Variants in COL16A1 observed in about 807,000 individuals in gnomAD.
The protein encoded by COL16A1 is collagen alpha-1(XVI) chain.
COL16A1 carries 189 observed loss-of-function variants against 266.3 expected under a neutral mutation model. That is an observed-to-expected ratio of 0.71 (90% CI 0.63 to 0.80). The LOEUF (loss-of-function observed/expected upper bound fraction) is 0.80, where lower values mean the gene tolerates loss of function less well. COL16A1 is among the 30% of genes least tolerant of loss of function. COL16A1 has a pLI of 0.00. For synonymous variants in COL16A1, 740 were observed against 782.3 expected, an observed-to-expected ratio of 0.95 and a Z score of 0.90; for missense variants, 1,928 against 2,122.4, an observed-to-expected ratio of 0.91 and a Z score of 1.80.
At chr1:31,659,489 C>G (rs1641456127) in intron 62 of COL16A1, among the ~76,000 whole-genome samples, 1 of 152,108 alleles carries the variant, frequency 6.6e-6, no homozygotes, top group Non-Finnish European at 1.5e-5. Context: ...CCAGACAGTC[C>G]CTGCTGCTGC....
chr1:31,679,684 C>T lies in COL16A1; in HGVS notation c.2720G>A (p.Gly907Asp). The T allele has an allele frequency of 6.2e-7, 1 of 1,614,040 alleles. No individual in the cohort carries two copies. Among genetic ancestry groups the T allele is most frequent in the South Asian group, 1.1e-5 (1 of 91,074 alleles). ...TGGTGGTCCGGGAATACCTGGTGGA[C>T]CCTGAGGGAGAGAGAAAAGAGTCAG... is the stretch of plus-strand genomic sequence containing the variant. Reference protein sequence around the residue: ...MGSSWQPGPQGPPGIPGPPGP... With the variant: ...MGSSWQPGPQDPPGIPGPPGP... Residue 907 changes from glycine (G) to aspartate (D), a missense_variant and splice_region_variant, in exon 42 of 71, where the codon GGT becomes GAT. Around this residue, in one of 2 missense-constraint regions of COL16A1, gnomAD observed 1,552 missense variants for 1,637.2 expected, o/e 0.95. Coordinates refer to ENST00000373672, the MANE Select transcript of COL16A1 (RefSeq NM_001856.4).
At chr1:31,682,659 A>G (rs561015302) in intron 37 of COL16A1, among the ~76,000 whole-genome samples, 118 of 152,348 alleles carry the variant, frequency 7.7e-4, no homozygotes, top group Non-Finnish European at 1.3e-3. Context: ...GTTCCCTTAC[A>G]GGGCTGATGT....
intron 37 of COL16A1, 112 bp downstream of exon 37, chr1:31,682,822 C>T: frequency 1.5e-6 from 2 of 1,355,034 alleles, no homozygotes; most frequent in South Asian, 1.3e-5. Flanking sequence ...GGCCTCTCTC[C>T]TCCCATCCCC....
At chr1:31,681,940 T>A (rs1162229010) in intron 37 of COL16A1, among the ~76,000 whole-genome samples, 1 of 152,190 alleles carries the variant, frequency 6.6e-6, no homozygotes, top group African/African-American at 2.4e-5. Flanking sequence ...GTTGGTGCAC[T>A]CTCCTATCAG....
chr1:31,679,971 A>G, intron 40 of COL16A1, 71 bp downstream of exon 40: 2 of 1,596,082 alleles, frequency 1.3e-6, no homozygotes, highest in South Asian at 1.1e-5. Context: ...GCCTTTGCAC[A>G]CTGGGCACCA....
In COL16A1 at chr1:31,688,563, C is replaced by T. The variant is rs1644104253; in HGVS notation, c.1768-61G>A. 3.7e-6 allele frequency: 6 copies of T among 1,606,082 alleles called. No homozygotes were observed. Among genetic ancestry groups the T allele is most frequent in the East Asian group, 2.2e-5 (1 of 44,830 alleles). ...CCACTCCCACCTCTCCAAGGCTCCCCGGGTCCCAGTGTCCAACCAGAAACA... is the reference window on the plus strand; with the variant it reads ...CCACTCCCACCTCTCCAAGGCTCCCTGGGTCCCAGTGTCCAACCAGAAACA... On this transcript the variant is annotated intron_variant, in intron 25 of 70. Coordinates refer to ENST00000373672, the MANE Select transcript of COL16A1 (RefSeq NM_001856.4). This position sits in a 1 kb window ranked among gnomAD's most constrained non-coding sequence, Gnocchi z 4.9.
At chr1:31,672,080 G>A (rs1400763332) in intron 47 of COL16A1, among the ~76,000 whole-genome samples, 1 of 152,202 alleles carries the variant, frequency 6.6e-6, no homozygotes, top group African/African-American at 2.4e-5. Flanking sequence ...AGGCCAAGGG[G>A]ACTGGAGGCT....
intron 42 of COL16A1, among the ~76,000 whole-genome samples, chr1:31,677,268 T>C (rs1295784795): frequency 2.0e-5 from 3 of 152,242 alleles, no homozygotes; most frequent in African/African-American, 7.2e-5. Context: ...TTTGTATTTT[T>C]AGTAGAGACG....
intron 37 of COL16A1, among the ~76,000 whole-genome samples, chr1:31,681,458 T>C (rs1434054122): frequency 1.3e-5 from 2 of 152,218 alleles, no homozygotes; most frequent in African/African-American, 4.8e-5. Flanking sequence ...CTCCCTTTAG[T>C]GCTTGATACA....
intron 42 of COL16A1, among the ~76,000 whole-genome samples, chr1:31,676,554 A>C (rs1643202980): frequency 6.6e-6 from 1 of 152,172 alleles, no homozygotes; most frequent in Non-Finnish European, 1.5e-5. Flanking sequence ...GACTACCTGT[A>C]TAACTTTTGG....
Position 31,668,033 on chromosome 1 carries a change from G to A in COL16A1, c.3303+132C>T, listed in dbSNP as rs555863092. Reference sequence around the variant, plus strand: ...GGGAGAGGGGGCTGCATGGACTTTAGGCAAAGGAGGAGGCTGAAATGCCCG... The same window carrying A: ...GGGAGAGGGGGCTGCATGGACTTTAAGCAAAGGAGGAGGCTGAAATGCCCG... On this transcript the variant is annotated intron_variant, in intron 51 of 70. Transcript: ENST00000373672. This position sits in a 1 kb window ranked among gnomAD's most constrained non-coding sequence, Gnocchi z 5.8. 43 of 751,248 alleles carry A rather than the reference G, an allele frequency of 5.7e-5. No homozygotes were observed. The highest frequency in any genetic ancestry group is 8.8e-5 in the South Asian group (5 of 57,034). The allele number at this position is 751,248 out of a possible 1,614,324, so 46.5% of individuals were successfully genotyped here.
At chr1:31,692,184 G>A in intron 16 of COL16A1, 117 bp from the exon 17 acceptor site, 1 of 1,495,230 alleles carries the variant, frequency 6.7e-7, no homozygotes, top group Non-Finnish European at 9.2e-7. Context: ...CTCCCCTGAG[G>A]GTGAATGGCT....
intron 30 of COL16A1, 72 bp downstream of exon 30, chr1:31,684,749 G>T: frequency 1.9e-6 from 3 of 1,611,982 alleles, no homozygotes; most frequent in Non-Finnish European, 2.5e-6. Flanking sequence ...GCTAGGGAGG[G>T]AGGAAAATGA....
Position 31,689,082 on chromosome 1 carries a change from C to A in COL16A1, c.1624G>T (p.Asp542Tyr), listed in dbSNP as rs1644132412. The A allele has an allele frequency of 6.2e-7, 1 of 1,613,670 alleles. No homozygotes were observed. The highest frequency in any genetic ancestry group is 1.7e-5 in the Admixed American group (1 of 60,000). Residue 542 changes from aspartate to tyrosine, a missense_variant, in exon 24 of 71, where the codon GAC (aspartate) becomes TAC (tyrosine). Physicochemically the swap from Asp to Tyr is radical, Grantham distance 160. Around this residue, in one of 2 missense-constraint regions of COL16A1, gnomAD observed 1,552 missense variants for 1,637.2 expected, o/e 0.95. Transcript: ENST00000373672. ...EPGDPVPARG[D>Y]PGIQGIKGEK... ...CCTTTGATGCCTTGGATGCCAGGGTCTCCCTGCAGGGTAAAAAGGTTTGTG... is the reference window on the plus strand; with the variant it reads ...CCTTTGATGCCTTGGATGCCAGGGTATCCCTGCAGGGTAAAAAGGTTTGTG...
At chr1:31,691,894 C>A in intron 17 of COL16A1, 111 bp downstream of exon 17, 1 of 1,547,612 alleles carries the variant, frequency 6.5e-7, no homozygotes, top group Non-Finnish European at 8.9e-7. Context: ...GGCACAGCCC[C>A]TCCCCACCCT....
At position 31,677,979 on chromosome 1, in the gene COL16A1, C is replaced by A. The variant is rs189548881; in HGVS notation, c.2772+1653G>T. On this transcript the variant is annotated intron_variant, in intron 42 of 70. Coordinates refer to ENST00000373672, the MANE Select transcript of COL16A1 (RefSeq NM_001856.4). The stretch of plus-strand genomic sequence containing the variant: ...CCCCAAGCAAACTGCAAGCCCTCTG[C>A]AGACAGATTCCTGTTTCCTGGCAGT... Among the ~76,000 whole-genome samples, 140 of 152,342 alleles carry A rather than the reference C, an allele frequency of 9.2e-4. 1 individual carries two copies. The highest frequency in any genetic ancestry group is 1.6e-3 in the Admixed American group (25 of 15,306).
In COL16A1 at chr1:31,694,189, G is replaced by A. The variant is rs1644397192; in HGVS notation, c.982-19C>T. The A allele has an allele frequency of 6.3e-7, 1 of 1,575,676 alleles. No homozygotes were observed. Among genetic ancestry groups the A allele is most frequent in the Admixed American group, 1.7e-5 (1 of 57,210 alleles). On this transcript the variant is annotated intron_variant, in intron 11 of 70. Coordinates refer to ENST00000373672, the MANE Select transcript of COL16A1 (RefSeq NM_001856.4). The stretch of plus-strand genomic sequence containing the variant: ...GTGTGACCTGAGGGGACAGAGGAGA[G>A]GGCATCACACTTCCGGTAGAGAGAG...
chr1:31,659,147 G>C (rs954389096), intron 62 of COL16A1, among the ~76,000 whole-genome samples, 183 bp from the exon 63 acceptor site: 1 of 152,200 alleles, frequency 6.6e-6, no homozygotes, highest in Non-Finnish European at 1.5e-5. Context: ...CTGAGGCCTG[G>C]GGGTCCTGGG....
In COL16A1 at chr1:31,656,559, GC is replaced by G. The variant is rs1641170515; in HGVS notation, c.4057-116del. 6.8e-7 allele frequency: 1 copy of G among 1,480,670 alleles called. No individual in the cohort carries two copies. The highest frequency in any genetic ancestry group is 9.0e-7 in the Non-Finnish European group (1 of 1,108,628). 91.7% of individuals were successfully genotyped at this position (1,480,670 alleles called of 1,614,324 possible). The stretch of plus-strand genomic sequence containing the variant: ...AGCCTGAGGCCCCCAGGTGTGTCCA[GC>G]CCAGCTCTGTGTGAGAAAGGAGCGC... On this transcript the variant is annotated intron_variant, in intron 65 of 70. Transcript: ENST00000373672. This position sits in a 1 kb window ranked among gnomAD's most constrained non-coding sequence, Gnocchi z 4.2.
Sources: allele counts gnomAD v4.1 joint callset (sites outside exome capture counted in the v4.1 genomes callset), GRCh38; gene constraint gnomAD v4.1.1; regional missense constraint gnomAD v4.1.1; non-coding constraint Gnocchi (gnomAD v3.1); transcripts MANE v1.5; gene names NCBI Gene and HGNC (gene_info 2026-07-23, HGNC 2026-07-21).